Variants in DLG2 observed in about 807,000 individuals in gnomAD.
DLG2 encodes discs large MAGUK scaffold protein 2.
A neutral mutation model predicts 132.5 loss-of-function variants in DLG2; 45 were observed. That is an observed-to-expected ratio of 0.34 (90% confidence interval 0.27 to 0.44). DLG2 has a LOEUF of 0.44. Among genes scored for constraint, DLG2 ranks in the 20% least tolerant of loss-of-function variants. The probability of loss-of-function intolerance (pLI) is 1.00; values close to 1 mark genes in which losing one functional copy is unlikely to be tolerated. For missense variants in DLG2, 1,045 were observed against 1,196.9 expected, an observed-to-expected ratio of 0.87 and a Z score of 1.87; for synonymous variants, 424 against 419.6, an observed-to-expected ratio of 1.01 and a Z score of -0.13.
chr11:84,794,766 A>C (rs2074336667), intron 6 of DLG2, among the ~76,000 whole-genome samples: 1 of 152,210 alleles, frequency 6.6e-6, no homozygotes, highest in Non-Finnish European at 1.5e-5. Flanking sequence ...CTGGGTGTGC[A>C]CATGCTCAGG....
rs146355446 is a variant in DLG2 at position 84,306,217 on chromosome 11, T to C, written c.520-54926A>G. ...TTACTCTGATTTAATTATTTCACAA[T>C]GTATACATGCATTGAAACATCACAT... On this transcript the variant is annotated intron_variant, in intron 7 of 27. Transcript: ENST00000376104. Among the ~76,000 whole-genome samples the C allele has an allele frequency of 2.6e-3, 394 of 152,308 alleles. 3 individuals carry two copies. The highest frequency in any genetic ancestry group is 0.011 in the East Asian group (57 of 5,192).
intron 6 of DLG2, among the ~76,000 whole-genome samples, chr11:85,029,625 C>A (rs768470643): frequency 3.3e-5 from 5 of 152,154 alleles, no homozygotes; most frequent in African/African-American, 4.8e-5. Context: ...ACTGTTAAAC[C>A]AAGTTTAGCC....
chr11:85,295,017 G>A (rs1360511038), intron 3 of DLG2, among the ~76,000 whole-genome samples: 3 of 152,014 alleles, frequency 2.0e-5, no homozygotes, highest in Non-Finnish European at 4.4e-5. Flanking sequence ...CAAAAAGCAG[G>A]CACTAAATAA....
chr11:84,907,970 A>G (rs957452941), intron 6 of DLG2, among the ~76,000 whole-genome samples: 2 of 152,190 alleles, frequency 1.3e-5, no homozygotes, highest in African/African-American at 4.8e-5. Flanking sequence ...CTACAGAGCT[A>G]GAAAGATTCT....
chr11:84,480,205 A>C (rs566659864), intron 7 of DLG2, among the ~76,000 whole-genome samples: 2 of 152,240 alleles, frequency 1.3e-5, no homozygotes, highest in African/African-American at 4.8e-5. Flanking sequence ...TGAGAACCCC[A>C]AAATCTTTAA....
At chr11:84,846,296 T>C (rs2081465672) in intron 6 of DLG2, among the ~76,000 whole-genome samples, 2 of 152,272 alleles carry the variant, frequency 1.3e-5, no homozygotes, top group African/African-American at 4.8e-5. Flanking sequence ...AACAGAACTA[T>C]AGGTTACCAA....
At chr11:85,482,819 G>A (rs1443022450) in intron 3 of DLG2, among the ~76,000 whole-genome samples, 1 of 152,118 alleles carries the variant, frequency 6.6e-6, no homozygotes, top group African/African-American at 2.4e-5. Context: ...TGTTCCAGCA[G>A]ACCCATGGTC....
intron 7 of DLG2, among the ~76,000 whole-genome samples, chr11:84,356,756 A>G (rs539297135): frequency 6.6e-6 from 1 of 152,220 alleles, no homozygotes; most frequent in South Asian, 2.1e-4. Flanking sequence ...CAAGGGAAAG[A>G]GGATCAGATA....
At chr11:84,529,158 G>A (rs2099329356) in intron 7 of DLG2, among the ~76,000 whole-genome samples, 1 of 152,078 alleles carries the variant, frequency 6.6e-6, no homozygotes, top group Admixed American at 6.6e-5. Context: ...CAATCTAAAA[G>A]CATATCTTGA....
At chr11:83,867,152 G>A (rs2062547072) in intron 16 of DLG2, among the ~76,000 whole-genome samples, 1 of 152,052 alleles carries the variant, frequency 6.6e-6, no homozygotes, top group Non-Finnish European at 1.5e-5. Context: ...AGGCCTCCAG[G>A]TTGGCCAACT....
intron 10 of DLG2, among the ~76,000 whole-genome samples, chr11:84,091,179 C>T (rs1169949098): frequency 6.6e-6 from 1 of 152,118 alleles, no homozygotes; most frequent in Non-Finnish European, 1.5e-5. Context: ...CACACATACC[C>T]GAAAAGTTCT....
chr11:84,010,328 G>T (rs1025359953), intron 11 of DLG2, among the ~76,000 whole-genome samples: 8 of 149,782 alleles, frequency 5.3e-5, no homozygotes, highest in African/African-American at 1.7e-4. Flanking sequence ...TTTTGAGACC[G>T]GATCTAACTG....
intron 3 of DLG2, among the ~76,000 whole-genome samples, chr11:85,306,807 C>T (rs570146874): frequency 2.0e-5 from 3 of 152,250 alleles, no homozygotes; most frequent in Admixed American, 6.5e-5. Flanking sequence ...CTCCTGACCT[C>T]GTGATCCGCC....
intron 17 of DLG2, chr11:83,790,053 A>G: frequency 1.5e-6 from 2 of 1,298,262 alleles, no homozygotes; most frequent in South Asian, 1.7e-5. Flanking sequence ...GTATACTGAC[A>G]TAAAACAAAA....
At chr11:83,521,415 C>A (rs2095477564) in intron 21 of DLG2, among the ~76,000 whole-genome samples, 1 of 151,934 alleles carries the variant, frequency 6.6e-6, no homozygotes, top group Non-Finnish European at 1.5e-5. Flanking sequence ...TTATTCTGAC[C>A]TGGGTTGGTT....
chr11:83,640,304 G>A (rs1160422141), intron 18 of DLG2, among the ~76,000 whole-genome samples: 3 of 152,164 alleles, frequency 2.0e-5, no homozygotes, highest in Non-Finnish European at 4.4e-5. Context: ...TGTGCTTTAG[G>A]ACAACTTCCA....
At chr11:85,507,502 T>A (rs899117618) in intron 3 of DLG2, among the ~76,000 whole-genome samples, 1 of 152,234 alleles carries the variant, frequency 6.6e-6, no homozygotes. Flanking sequence ...AATTCTGGAT[T>A]GAAAATTATT....
At chr11:83,507,758 T>TTTTATATATA (rs1473646062) in intron 21 of DLG2, among the ~76,000 whole-genome samples, 2 of 99,882 alleles carry the variant, frequency 2.0e-5, no homozygotes, top group African/African-American at 7.3e-5. Context: ...TATATTTTTA[T>TTTTATATATA]TATATATATA....
intron 9 of DLG2, among the ~76,000 whole-genome samples, chr11:84,106,846 AGTGAGTGTGTGTGTGTATGTG>A (rs2092961569): frequency 8.0e-6 from 1 of 125,210 alleles, no homozygotes; most frequent in African/African-American, 3.0e-5. Flanking sequence ...TGTGTGTTTG[AGTGAGTGTGTGTGTGTATGTG>A]TGAGAGAGAG....
Sources: allele counts gnomAD v4.1 joint callset (sites outside exome capture counted in the v4.1 genomes callset), GRCh38; gene constraint gnomAD v4.1.1; transcripts MANE v1.5; gene names NCBI Gene and HGNC (gene_info 2026-07-23, HGNC 2026-07-21).